Variants in GNAT3 observed in about 807,000 individuals in gnomAD.
The protein encoded by GNAT3 is G protein subunit alpha transducin 3.
GNAT3 carries 31 observed loss-of-function variants against 37.7 expected under a neutral mutation model. That is an observed-to-expected ratio of 0.82 (90% CI 0.62 to 1.11). GNAT3 has a LOEUF of 1.11. Ranked by LOEUF, GNAT3 falls within the 50% of genes most tolerant of loss-of-function variation. GNAT3 has a pLI of 0.00. For synonymous variants in GNAT3, 138 were observed against 139.8 expected (o/e 0.99, Z 0.09); for missense variants, 437 against 412.5 (o/e 1.06, Z -0.51).
intron 4 of GNAT3, among the ~76,000 whole-genome samples, chr7:80,478,046 G>A (rs1790334384): frequency 6.6e-6 from 1 of 152,146 alleles, no homozygotes; most frequent in Admixed American, 6.6e-5. Context: ...AAGTAGCTGG[G>A]ACTACAGGCA....
At chr7:80,495,005 ATTGT>A (rs1239977347) in intron 1 of GNAT3, among the ~76,000 whole-genome samples, 18 of 152,124 alleles carry the variant, frequency 1.2e-4, no homozygotes, top group African/African-American at 4.3e-4. Flanking sequence ...CTGTTTCTGA[ATTGT>A]TTAACTTAAG....
intron 4 of GNAT3, among the ~76,000 whole-genome samples, chr7:80,478,096 C>T (rs1790334977): frequency 6.6e-6 from 1 of 152,150 alleles, no homozygotes; most frequent in South Asian, 2.1e-4. Flanking sequence ...TTTTTTGTAG[C>T]AACTTGGCTT....
At chr7:80,505,555 A>T (rs1790920302) in intron 1 of GNAT3, among the ~76,000 whole-genome samples, 1 of 152,068 alleles carries the variant, frequency 6.6e-6, no homozygotes, top group Admixed American at 6.5e-5. Context: ...TTTATTATAG[A>T]CGGGGTTTCA....
intron 5 of GNAT3, among the ~76,000 whole-genome samples, chr7:80,472,283 G>T (rs1377213797): frequency 6.6e-6 from 1 of 152,008 alleles, no homozygotes; most frequent in African/African-American, 2.4e-5. Flanking sequence ...CCATGGTGGG[G>T]TTATTTGCAC....
At chr7:80,495,696 T>G (rs559474081) in intron 1 of GNAT3, among the ~76,000 whole-genome samples, 1 of 152,098 alleles carries the variant, frequency 6.6e-6, no homozygotes, top group East Asian at 1.9e-4. Context: ...CTGGATCTGC[T>G]GATCTCGTGA....
intron 5 of GNAT3, among the ~76,000 whole-genome samples, chr7:80,472,114 C>A (rs1790231148): frequency 6.6e-6 from 1 of 151,924 alleles, no homozygotes; most frequent in African/African-American, 2.4e-5. Flanking sequence ...AGAAGCAAGG[C>A]AATCTCATAT....
At position 80,488,514 on chromosome 7, in the gene GNAT3, T is replaced by C. The variant is rs755315186; in HGVS notation, c.303+21A>G. The C allele has an allele frequency of 3.8e-6, 6 of 1,589,710 alleles. No individual in the cohort carries two copies. The South Asian group carries it at 5.7e-5, about 15-fold the overall frequency. On this transcript the variant is annotated intron_variant, in intron 3 of 7. Coordinates refer to ENST00000398291, the MANE Select transcript of GNAT3 (RefSeq NM_001102386.3). ...CAAACTCTATTGCAGGACATACAGC[T>C]GTCATTATTTGCATACTTACTGCAC... is the stretch of plus-strand genomic sequence containing the variant.
intron 2 of GNAT3, 61 bp downstream of exon 2, chr7:80,494,544 G>A (rs1790677684): frequency 1.1e-6 from 1 of 881,620 alleles, no homozygotes; most frequent in Admixed American, 2.4e-5. Flanking sequence ...TGTATTTTAA[G>A]AATGGTCAAA....
intron 2 of GNAT3, among the ~76,000 whole-genome samples, chr7:80,491,874 T>G (rs1450911967): frequency 6.6e-6 from 1 of 152,110 alleles, no homozygotes; most frequent in African/African-American, 2.4e-5. Context: ...TCTTTTTAAA[T>G]AATAAAAGAA....
chr7:80,472,921 GT>G (rs1790243386), intron 5 of GNAT3, among the ~76,000 whole-genome samples: 1 of 152,142 alleles, frequency 6.6e-6, no homozygotes, highest in Non-Finnish European at 1.5e-5. Flanking sequence ...CCCACACTCA[GT>G]TCTAGTCTGT....
At chr7:80,489,592 A>C (rs528598211) in intron 2 of GNAT3, among the ~76,000 whole-genome samples, 1 of 152,236 alleles carries the variant, frequency 6.6e-6, no homozygotes, top group Non-Finnish European at 1.5e-5. Context: ...CTATACAAGA[A>C]ATCTGAACTG....
At chr7:80,497,658 A>G (rs544710593) in intron 1 of GNAT3, among the ~76,000 whole-genome samples, 8 of 106,854 alleles carry the variant, frequency 7.5e-5, no homozygotes, top group African/African-American at 3.5e-4. Context: ...ACGTATATAC[A>G]TATACGTATA....
At chr7:80,508,986 G>A (rs970826233) in intron 1 of GNAT3, among the ~76,000 whole-genome samples, 6 of 151,992 alleles carry the variant, frequency 3.9e-5, no homozygotes, top group Non-Finnish European at 7.4e-5. Context: ...AGGTTAAACT[G>A]GTTAGTTCCA....
At chr7:80,471,866 C>T (rs1021387374) in intron 5 of GNAT3, among the ~76,000 whole-genome samples, 1 of 151,960 alleles carries the variant, frequency 6.6e-6, no homozygotes, top group Admixed American at 6.6e-5. Context: ...GATTGCTTAT[C>T]CTGAGTATCG....
intron 3 of GNAT3, chr7:80,486,632 C>CTTTTTTTTTTT (rs762169940): frequency 4.1e-5 from 4 of 98,420 alleles, no homozygotes; most frequent in East Asian, 2.9e-4. Flanking sequence ...TTTTCTTTTC[C>CTTTTTTTTTTT]TTTTTTTTTT....
intron 3 of GNAT3, 72 bp from the exon 4 acceptor site, chr7:80,479,070 T>G: frequency 3.0e-6 from 3 of 995,834 alleles, no homozygotes; most frequent in Non-Finnish European, 4.4e-6. Context: ...AATAGAGTAA[T>G]TTACTGGGAT....
intron 1 of GNAT3, among the ~76,000 whole-genome samples, chr7:80,508,449 A>G (rs892438778): frequency 6.6e-6 from 1 of 152,064 alleles, no homozygotes; most frequent in African/African-American, 2.4e-5. Flanking sequence ...AAAACTTTAA[A>G]ACGTACTTAG....
rs765117132 is a variant in GNAT3 at position 80,462,631 on chromosome 7, C to T, written c.591G>A (p.Arg197=). 17 of 1,606,038 alleles carry T rather than the reference C, an allele frequency of 1.1e-5. No individual in the cohort carries two copies. The highest frequency in any genetic ancestry group is 1.4e-5 in the Non-Finnish European group (17 of 1,176,696). ...TQFSFKDLHF[R]MFDVGGQRSE... is the part of the protein sequence containing the mutation. ...ATCTCTGTCCACCTACATCAAACAT[C>T]CTTTAAGAAAACATCAAATGAATAA... is the stretch of plus-strand genomic sequence containing the variant. The change falls in exon 6 of 8, where the codon AGG becomes AGA. Residue 197 remains arginine, a splice_region_variant and synonymous_variant. Transcript: ENST00000398291.
At position 80,471,231 on chromosome 7, in the gene GNAT3, C is replaced by T. The variant is rs542460153; in HGVS notation, c.590+3020G>A. Reference sequence around the variant, plus strand: ...CTTGCCTATATTCTAGCTGTGTTGGCAGCTGATTAGATTGTGCCCACCCAG... The same window carrying T: ...CTTGCCTATATTCTAGCTGTGTTGGTAGCTGATTAGATTGTGCCCACCCAG... On this transcript the variant is annotated intron_variant, in intron 5 of 7. Coordinates refer to ENST00000398291, the MANE Select transcript of GNAT3 (RefSeq NM_001102386.3). Among the ~76,000 whole-genome samples the T allele has an allele frequency of 1.0e-4, 15 of 150,368 alleles. No individual in the cohort carries two copies. In the South Asian group the frequency reaches 3.2e-3, roughly 32 times the overall value.
Sources: allele counts gnomAD v4.1 joint callset (sites outside exome capture counted in the v4.1 genomes callset), GRCh38; gene constraint gnomAD v4.1.1; transcripts MANE v1.5; gene names NCBI Gene and HGNC (gene_info 2026-07-23, HGNC 2026-07-21).